ITGB4: variants seen among roughly 807,000 people sequenced by gnomAD.
ITGB4 encodes integrin beta-4.
ITGB4 carries 159 observed loss-of-function variants against 207.6 expected under a neutral mutation model. The observed-to-expected ratio is 0.77, with a 90% CI of 0.67 to 0.87. The LOEUF is 0.87. Among genes scored for constraint, ITGB4 ranks in the 40% least tolerant of loss-of-function variants. The pLI, the probability that ITGB4 is intolerant of heterozygous loss-of-function variation, is 0.00. For synonymous variants in ITGB4, 1,020 were observed against 1,062.7 expected, an observed-to-expected ratio of 0.96 and a Z score of 0.78; for missense variants, 2,278 against 2,546.8, an observed-to-expected ratio of 0.89 and a Z score of 2.27.
In ITGB4 at chr17:75,731,462, G is replaced by A. The variant is rs890565731; in HGVS notation, c.1215+94G>A. The stretch of plus-strand genomic sequence containing the variant: ...AACAGCGGTCAAGAGCGTGGCCCCT[G>A]GAGTCAGGCAGGCCTGGGTGCAGAT... On this transcript the variant is annotated intron_variant, in intron 10 of 39. Coordinates refer to ENST00000200181, the MANE Select transcript of ITGB4 (RefSeq NM_000213.5). The surrounding 1 kb of genome is among the most constrained non-coding windows in gnomAD (Gnocchi z 6.8). The A allele has an allele frequency of 6.0e-6, 8 of 1,335,640 alleles. No homozygotes were observed. The Admixed American group carries it at 1.5e-4, about 25-fold the overall frequency. 82.7% of individuals were successfully genotyped at this position (1,335,640 alleles called of 1,614,324 possible). A position where few individuals can be genotyped will look rare whatever the true frequency, so the allele number is the denominator to read the frequency against.
chr17:75,734,343 C>T (rs868402691), intron 13 of ITGB4, among the ~76,000 whole-genome samples: 1 of 151,906 alleles, frequency 6.6e-6, no homozygotes. Context: ...ACCATGTTGG[C>T]CAGGCTGGTC....
At position 75,750,293 on chromosome 17, in the gene ITGB4, G is replaced by C. The variant is rs373800385; in HGVS notation, c.3474+25G>C. ...GGTAAGGCGGGGGGCTGAGGGTCAC[G>C]ACAGGTGGATGGGCGGTCTGGCACC... On this transcript the variant is annotated intron_variant, in intron 28 of 39. Transcript: ENST00000200181. This position sits in a 1 kb window ranked among gnomAD's most constrained non-coding sequence, Gnocchi z 5.5. 4 of 1,591,056 alleles carry C rather than the reference G, an allele frequency of 2.5e-6. No homozygotes were observed. The highest frequency in any genetic ancestry group is 3.4e-5 in the Admixed American group (2 of 58,360).
intron 18 of ITGB4, among the ~76,000 whole-genome samples, chr17:75,738,327 C>G (rs1306713149): frequency 6.6e-6 from 1 of 152,134 alleles, no homozygotes; most frequent in Admixed American, 6.6e-5. Context: ...TGCCAGCATC[C>G]GTTCTCTGCT....
chr17:75,743,820 G>C lies in ITGB4; in HGVS notation c.3070G>C (p.Val1024Leu). 6.2e-7 allele frequency: 1 copy of C among 1,609,274 alleles called. No individual in the cohort carries two copies. Among genetic ancestry groups the C allele is most frequent in the Non-Finnish European group, 8.5e-7 (1 of 1,178,200 alleles). Reference sequence around the variant, plus strand: ...TGTCCTGGACGGCGGGAAGTCCCAGGTCTCCTACCGCACACAGGATGGCAC... The same window carrying C: ...TGTCCTGGACGGCGGGAAGTCCCAGCTCTCCTACCGCACACAGGATGGCAC... ...RRVLDGGKSQ[V>L]SYRTQDGTAQ... Residue 1024 changes from valine (V) to leucine (L), a missense_variant, in exon 26 of 40, where the codon GTC becomes CTC. Physicochemically the swap from Val to Leu is conservative, Grantham distance 32. Transcript: ENST00000200181.
At position 75,736,713 on chromosome 17, in the gene ITGB4, G is replaced by T. The variant is rs1260807671; in HGVS notation, c.1990+19G>T. The T allele has an allele frequency of 5.0e-6, 8 of 1,586,516 alleles. No homozygotes were observed. The highest frequency in any genetic ancestry group is 1.7e-4 in the Middle Eastern group (1 of 6,044). The stretch of plus-strand genomic sequence containing the variant: ...AAGAGAGGTAGGGGCAGGGGCTGAG[G>T]GTTGGGGTTGCTGAGAGCCTAGGCA... On this transcript the variant is annotated intron_variant, in intron 16 of 39. Coordinates refer to ENST00000200181, the MANE Select transcript of ITGB4 (RefSeq NM_000213.5).
At position 75,756,558 on chromosome 17, in the gene ITGB4, AGGGTGT is replaced by A; in HGVS notation, c.4839_4844del (p.Glu1613_Val1615delinsAsp). ...CAGGAAGGCTGGGGCCGAGAGCGTGAGGGTGTCATCACCATTGAATCCCAGGTGCAC... is the reference window on the plus strand; with the variant it reads ...CAGGAAGGCTGGGGCCGAGAGCGTGACATCACCATTGAATCCCAGGTGCAC... On this transcript the variant is annotated inframe_deletion, in exon 36 of 40. Transcript: ENST00000200181. 6.2e-7 allele frequency: 1 copy of A among 1,613,224 alleles called. No homozygotes were observed. Among genetic ancestry groups the A allele is most frequent in the Non-Finnish European group, 8.5e-7 (1 of 1,180,000 alleles).
At position 75,739,864 on chromosome 17, in the gene ITGB4, G is replaced by GGCACCAGGT. The variant is rs747157580; in HGVS notation, c.2255-15_2255-14insCACCAGGTG. 6.2e-7 allele frequency: 1 copy of GGCACCAGGT among 1,613,484 alleles called. No individual in the cohort carries two copies. Among genetic ancestry groups the GGCACCAGGT allele is most frequent in the Non-Finnish European group, 8.5e-7 (1 of 1,179,896 alleles). On this transcript the variant is annotated splice_polypyrimidine_tract_variant and intron_variant, in intron 19 of 39. Coordinates refer to ENST00000200181, the MANE Select transcript of ITGB4 (RefSeq NM_000213.5). This position sits in a 1 kb window ranked among gnomAD's most constrained non-coding sequence, Gnocchi z 5.4. The stretch of plus-strand genomic sequence containing the variant: ...GGTCTAGGGAGGGGTGCCGTGCTGA[G>GGCACCAGGT]GACCCCATCCTGCAGGTCACATGGT...
chr17:75,733,771 G>C, intron 13 of ITGB4, 79 bp downstream of exon 13: 1 of 1,451,428 alleles, frequency 6.9e-7, no homozygotes, highest in Admixed American at 1.8e-5. Context: ...TCAGGACCCA[G>C]GTTGGGAGAG....
rs2060679510 is a variant in ITGB4, at chr17:75,724,552, G to A, written c.-10-142G>A. ...AAAAGGCAGGAGTCCGAGGCCCAGG[G>A]CCCTGCCTCTGGCGGCTGGGCGCCC... On this transcript the variant is annotated intron_variant, in intron 1 of 39. Coordinates refer to ENST00000200181, the MANE Select transcript of ITGB4 (RefSeq NM_000213.5). 1.6e-5 allele frequency: 12 copies of A among 737,686 alleles called. No individual in the cohort carries two copies. The South Asian group carries it at 1.7e-4, about 11-fold the overall frequency. 45.7% of individuals were successfully genotyped at this position (737,686 alleles called of 1,614,324 possible).
intron 26 of ITGB4, among the ~76,000 whole-genome samples, chr17:75,747,095 T>G (rs2061249508): frequency 6.6e-6 from 1 of 152,200 alleles, no homozygotes; most frequent in African/African-American, 2.4e-5. Flanking sequence ...ATTTGCTTTC[T>G]CTCTCTTTCT....
chr17:75,745,705 C>T (rs2061218279), intron 26 of ITGB4, among the ~76,000 whole-genome samples: 1 of 151,978 alleles, frequency 6.6e-6, no homozygotes, highest in Non-Finnish European at 1.5e-5. Flanking sequence ...ATGGTGAAAC[C>T]CTGTCTCTAC....
chr17:75,733,685 CTGCAAT>C lies in ITGB4; in HGVS notation c.1651_1656del (p.Cys551_Asn552del). 6.2e-7 allele frequency: 1 copy of C among 1,613,990 alleles called. No individual in the cohort carries two copies. Among genetic ancestry groups the C allele is most frequent in the Non-Finnish European group, 8.5e-7 (1 of 1,180,014 alleles). On this transcript the variant is annotated inframe_deletion and splice_region_variant, in exon 13 of 40. Coordinates refer to ENST00000200181, the MANE Select transcript of ITGB4 (RefSeq NM_000213.5). ...AGTGTCCCCGCACTTCCGGGTTCCT[CTGCAAT>C]GGTGAGCACAACAACTGCGGCCAAT...
intron 26 of ITGB4, among the ~76,000 whole-genome samples, chr17:75,744,495 C>A (rs534364419): frequency 6.6e-6 from 1 of 152,258 alleles, no homozygotes; most frequent in Admixed American, 6.5e-5. Flanking sequence ...ACTCAGGATC[C>A]ACAGGGTAGC....
chr17:75,750,775 C>A lies in ITGB4; in HGVS notation c.3570C>A (p.Cys1190Ter). The A allele has an allele frequency of 1.2e-6, 2 of 1,613,550 alleles. No individual in the cohort carries two copies. The highest frequency in any genetic ancestry group is 2.2e-5 in the South Asian group (2 of 91,088). The change falls in exon 29 of 40, where the codon TGC (cysteine) becomes TGA (stop). Residue 1190 changes from cysteine (C) to a stop codon, truncating the protein, a stop_gained. Transcript: ENST00000200181. LOFTEE classifies it high-confidence loss of function. The surrounding 1 kb of genome is among the most constrained non-coding windows in gnomAD (Gnocchi z 5.5). ...AGCTCACCAACCTGTACCCGTATTG[C>A]GACTATGAGATGAAGGTGTGCGCCT... ...SVELTNLYPY[C>*]DYEMKVCAYG...
intron 25 of ITGB4, among the ~76,000 whole-genome samples, chr17:75,743,005 T>C (rs1341693969): frequency 6.6e-6 from 1 of 152,104 alleles, no homozygotes; most frequent in East Asian, 1.9e-4. Context: ...TGCATCCTCA[T>C]AAGGGCCAGC....
At chr17:75,735,909 G>T in intron 13 of ITGB4, 142 bp from the exon 14 acceptor site, 2 of 777,266 alleles carry the variant, frequency 2.6e-6, no homozygotes, top group East Asian at 4.9e-5. Context: ...CCAGGAAAGT[G>T]AGGAAGAGAT....
intron 32 of ITGB4, among the ~76,000 whole-genome samples, chr17:75,753,104 C>T (rs1053238388): frequency 1.3e-5 from 2 of 152,234 alleles, no homozygotes; most frequent in Non-Finnish European, 2.9e-5. Flanking sequence ...TTCCATGCCT[C>T]ACTTTTCTGC....
At chr17:75,725,661 A>G (rs2060703899) in intron 2 of ITGB4, among the ~76,000 whole-genome samples, 1 of 152,214 alleles carries the variant, frequency 6.6e-6, no homozygotes, top group Non-Finnish European at 1.5e-5. Flanking sequence ...CCTGAAGCCC[A>G]GGAGACCTCT....
Position 75,731,392 on chromosome 17 carries a change from G to C in ITGB4, c.1215+24G>C. 6.2e-7 allele frequency: 1 copy of C among 1,600,598 alleles called. No homozygotes were observed. The highest frequency in any genetic ancestry group is 8.5e-7 in the Non-Finnish European group (1 of 1,171,400). ...TGGTACGCCTCTGTGGGGGCAGCGG[G>C]GTGGGGGATAGGCACAGCGCCCCAC... On this transcript the variant is annotated intron_variant, in intron 10 of 39. Transcript: ENST00000200181. This position sits in a 1 kb window ranked among gnomAD's most constrained non-coding sequence, Gnocchi z 6.8.
Sources: allele counts gnomAD v4.1 joint callset (sites outside exome capture counted in the v4.1 genomes callset), GRCh38; gene constraint gnomAD v4.1.1; non-coding constraint Gnocchi (gnomAD v3.1); transcripts MANE v1.5; gene names NCBI Gene and HGNC (gene_info 2026-07-23, HGNC 2026-07-21).